The following PTPRD variants were observed in gnomAD, a reference collection of about 807,000 sequenced individuals.
PTPRD encodes the protein receptor-type tyrosine-protein phosphatase delta.
In PTPRD, 34 loss-of-function variants were observed where a neutral mutation model predicts 214.5. That is an observed-to-expected ratio of 0.16 (90% confidence interval 0.12 to 0.21). PTPRD has a LOEUF of 0.21. Among genes scored for constraint, PTPRD ranks in the 10% least tolerant of loss-of-function variants. PTPRD has a pLI of 1.00. For missense variants in PTPRD, 2,545 were observed against 2,398.7 expected, an observed-to-expected ratio of 1.06 and a Z score of -1.27; for synonymous variants, 1,128 against 845.7, an observed-to-expected ratio of 1.33 and a Z score of -5.79.
intron 10 of PTPRD, among the ~76,000 whole-genome samples, chr9:9,045,882 G>T (rs2099670998): frequency 6.6e-6 from 1 of 152,158 alleles, no homozygotes; most frequent in Non-Finnish European, 1.5e-5. Context: ...CTGCATAAAA[G>T]AAATGATTAG....
intron 4 of PTPRD, among the ~76,000 whole-genome samples, chr9:9,974,687 C>G (rs757866188): frequency 2.6e-5 from 4 of 152,186 alleles, no homozygotes; most frequent in Non-Finnish European, 4.4e-5. Flanking sequence ...ACAGTTATGG[C>G]AAGCATATTT....
At chr9:10,590,711 C>T (rs757820346) in intron 2 of PTPRD, among the ~76,000 whole-genome samples, 2 of 151,660 alleles carry the variant, frequency 1.3e-5, no homozygotes, top group African/African-American at 2.4e-5. Flanking sequence ...ATTCATTCTC[C>T]ATCAAATTCA....
chr9:8,753,510 G>C (rs2093711600), intron 11 of PTPRD, among the ~76,000 whole-genome samples: 1 of 152,136 alleles, frequency 6.6e-6, no homozygotes, highest in Non-Finnish European at 1.5e-5. Flanking sequence ...CCTCTGGCCG[G>C]TTTCTAACAG....
intron 3 of PTPRD, among the ~76,000 whole-genome samples, chr9:10,313,906 A>G (rs539294365): frequency 2.6e-5 from 4 of 151,812 alleles, no homozygotes; most frequent in African/African-American, 9.7e-5. Context: ...GAGGTAAGGA[A>G]AAGTCTCACG....
chr9:10,184,637 C>T (rs898475577), intron 3 of PTPRD, among the ~76,000 whole-genome samples: 7 of 152,100 alleles, frequency 4.6e-5, no homozygotes, highest in African/African-American at 1.7e-4. Context: ...TTATGCCCAC[C>T]TCTTTCCCTG....
At chr9:8,938,822 T>G (rs2099013927) in intron 11 of PTPRD, among the ~76,000 whole-genome samples, 1 of 152,170 alleles carries the variant, frequency 6.6e-6, no homozygotes, top group Admixed American at 6.5e-5. Context: ...TTCCCTAAGC[T>G]TTCAGTAAAG....
At chr9:10,523,931 T>C (rs185416019) in intron 2 of PTPRD, among the ~76,000 whole-genome samples, 17 of 152,062 alleles carry the variant, frequency 1.1e-4, no homozygotes, top group African/African-American at 3.6e-4. Context: ...GTCACAGGTA[T>C]GATGGCTTAA....
intron 9 of PTPRD, among the ~76,000 whole-genome samples, chr9:9,337,636 A>G (rs1039360825): frequency 2.0e-5 from 3 of 152,154 alleles, no homozygotes; most frequent in Non-Finnish European, 4.4e-5. Context: ...GAACCTGCAA[A>G]TTTGAAGGCC....
rs2093658727 is a variant in PTPRD at position 9,461,582 on chromosome 9, T to A, written c.-236-64100A>T. On this transcript the variant is annotated intron_variant, in intron 8 of 45. Coordinates refer to ENST00000381196, the MANE Select transcript of PTPRD (RefSeq NM_002839.4). ...ACCATTTGAGGGTATTTGAACCATC[T>A]GAAAATGTGGCAAGAGCTAGGGGTC... Among the ~76,000 whole-genome samples, 3 of 152,088 alleles carry A rather than the reference T, an allele frequency of 2.0e-5. No individual in the cohort carries two copies. The South Asian group carries it at 6.2e-4, about 31-fold the overall frequency.
At chr9:9,904,162 C>G (rs1351471893) in intron 5 of PTPRD, among the ~76,000 whole-genome samples, 4 of 152,084 alleles carry the variant, frequency 2.6e-5, no homozygotes, top group South Asian at 2.1e-4. Context: ...ATGGGTGGTA[C>G]AGTGTGTCTG....
chr9:10,544,330 G>A (rs1275632621), intron 2 of PTPRD, among the ~76,000 whole-genome samples: 2 of 151,996 alleles, frequency 1.3e-5, no homozygotes, highest in African/African-American at 2.4e-5. Context: ...TAAATGAGAA[G>A]ACAAAAATGT....
At chr9:10,044,517 G>A (rs577397904) in intron 3 of PTPRD, among the ~76,000 whole-genome samples, 1 of 151,826 alleles carries the variant, frequency 6.6e-6, no homozygotes, top group South Asian at 2.1e-4. Context: ...AATGTACAAA[G>A]TAGCCACAAA....
At chr9:10,170,320 G>A (rs937805437) in intron 3 of PTPRD, among the ~76,000 whole-genome samples, 2 of 152,074 alleles carry the variant, frequency 1.3e-5, no homozygotes, top group African/African-American at 4.8e-5. Context: ...ATATTTTACT[G>A]AGAAAGCTTT....
At chr9:8,376,472 A>G in intron 38 of PTPRD, 135 bp downstream of exon 38, 1 of 1,283,456 alleles carries the variant, frequency 7.8e-7, no homozygotes, top group Non-Finnish European at 1.1e-6. Context: ...GTGATAATGG[A>G]AGATCTATTT....
intron 5 of PTPRD, among the ~76,000 whole-genome samples, chr9:9,900,641 G>GTT (rs1555302230): frequency 6.7e-5 from 8 of 120,088 alleles, no homozygotes; most frequent in Non-Finnish European, 1.1e-4. Context: ...ACATTTTCAG[G>GTT]TTTTTTTTTT....
intron 14 of PTPRD, among the ~76,000 whole-genome samples, chr9:8,568,236 C>T (rs181452107): frequency 5.1e-4 from 77 of 152,148 alleles, no homozygotes; most frequent in African/African-American, 1.7e-3. Flanking sequence ...TTTATCAAAA[C>T]CTTAGGGAGT....
intron 5 of PTPRD, among the ~76,000 whole-genome samples, chr9:9,810,909 G>C (rs181341193): frequency 2.0e-5 from 3 of 151,632 alleles, no homozygotes; most frequent in East Asian, 3.9e-4. Flanking sequence ...AAGAACATTT[G>C]TGATTCATGG....
At chr9:10,457,221 T>C (rs1485186555) in intron 2 of PTPRD, among the ~76,000 whole-genome samples, 1 of 151,966 alleles carries the variant, frequency 6.6e-6, no homozygotes, top group Non-Finnish European at 1.5e-5. Flanking sequence ...TTTTAAGGGT[T>C]CAATTAAACA....
At position 8,331,750 on chromosome 9, in the gene PTPRD, G is replaced by T; in HGVS notation, c.5380-14C>A. 6.4e-7 allele frequency: 1 copy of T among 1,563,594 alleles called. No individual in the cohort carries two copies. Among genetic ancestry groups the T allele is most frequent in the Non-Finnish European group, 8.6e-7 (1 of 1,157,398 alleles). On this transcript the variant is annotated splice_polypyrimidine_tract_variant and intron_variant, in intron 43 of 45. Transcript: ENST00000381196. ...GGACTGGCCGTCCTTTAGAAGGAAAGCCACATACCCGGCCGCAAAGGAAGA... is the reference window on the plus strand; with the variant it reads ...GGACTGGCCGTCCTTTAGAAGGAAATCCACATACCCGGCCGCAAAGGAAGA...
Sources: gnomAD v4.1 joint callset for allele counts (sites outside exome capture counted in the v4.1 genomes callset) on GRCh38, gnomAD v4.1.1 for gene constraint, MANE v1.5 for transcripts, NCBI Gene and HGNC (gene_info 2026-07-23, HGNC 2026-07-21) for gene names.